Variants in ARL15 observed in about 807,000 individuals in gnomAD.
ARL15 encodes ADP-ribosylation factor-like protein 15.
Under a neutral mutation model 25.2 loss-of-function variants are expected in ARL15, and 19 were observed. The ratio of observed to expected loss-of-function variants is 0.75; its 90% CI spans 0.53 to 1.10. The LOEUF (loss-of-function observed/expected upper bound fraction) is 1.10. Among genes scored for constraint, ARL15 ranks in the 50% least tolerant of loss-of-function variants. The pLI is 0.00. For missense variants in ARL15, 220 were observed against 246.0 expected, an observed-to-expected ratio of 0.89 and a Z score of 0.71; for synonymous variants, 94 against 86.8, an observed-to-expected ratio of 1.08 and a Z score of -0.46.
At chr5:54,125,325 C>T (rs535967811) in intron 3 of ARL15, among the ~76,000 whole-genome samples, 6 of 152,192 alleles carry the variant, frequency 3.9e-5, no homozygotes, top group South Asian at 4.1e-4. Context: ...TGAGCCACCG[C>T]GCCCAGCCCC....
intron 4 of ARL15, among the ~76,000 whole-genome samples, chr5:53,970,470 G>A (rs1747705208): frequency 6.6e-6 from 1 of 151,668 alleles, no homozygotes; most frequent in African/African-American, 2.4e-5. Context: ...ATAGCAGAGA[G>A]TGAGAATGAG....
rs555047533 is a variant in ARL15 at position 53,886,347 on chromosome 5, A to C, written c.*214T>G. ...GATAATTAGTGGTAAACAGAGAATA[A>C]ATTCTCTCTCAGTAGTGTGTACTTG... On this transcript the variant is annotated 3_prime_UTR_variant, in exon 5 of 5. Transcript: ENST00000504924. 23 of 509,340 alleles carry C rather than the reference A, an allele frequency of 4.5e-5. No homozygotes were observed. The East Asian group carries it at 7.7e-4, about 17-fold the overall frequency. 31.6% of individuals were successfully genotyped at this position (509,340 alleles called of 1,614,324 possible).
intron 1 of ARL15, among the ~76,000 whole-genome samples, chr5:54,249,650 G>T (rs2112595623): frequency 7.4e-6 from 1 of 134,438 alleles, no homozygotes; most frequent in East Asian, 2.5e-4. Context: ...TAAGAAAGGA[G>T]AAGTGTGGTT....
chr5:54,211,152 A>T (rs1478163533), intron 1 of ARL15, among the ~76,000 whole-genome samples: 2 of 152,132 alleles, frequency 1.3e-5, no homozygotes, highest in Non-Finnish European at 2.9e-5. Flanking sequence ...TTCCCAAATC[A>T]AGTTAGTGGT....
At chr5:54,054,765 G>T (rs1018648422) in intron 4 of ARL15, among the ~76,000 whole-genome samples, 34 of 152,164 alleles carry the variant, frequency 2.2e-4, no homozygotes, top group African/African-American at 8.2e-4. Flanking sequence ...ACTCCAGCCT[G>T]GGTTACAGAG....
At position 54,154,568 on chromosome 5, in the gene ARL15, G is replaced by C. The variant is rs1199770473; in HGVS notation, c.253+12C>G. ...TTAAGGGCAGACATAGAAATGATTT[G>C]AAATGTTATACCTCCAAGTTCTTTT... On this transcript the variant is annotated intron_variant, in intron 3 of 4. Coordinates refer to ENST00000504924, the MANE Select transcript of ARL15 (RefSeq NM_019087.3). The C allele has an allele frequency of 9.3e-6, 14 of 1,501,420 alleles. No individual in the cohort carries two copies. Among genetic ancestry groups the C allele is most frequent in the Non-Finnish European group, 1.2e-5 (14 of 1,120,636 alleles). 93.0% of individuals were successfully genotyped at this position (1,501,420 alleles called of 1,614,324 possible). A position where few individuals can be genotyped will look rare whatever the true frequency, so the allele number is the denominator to read the frequency against.
chr5:54,009,583 G>A (rs1749166478), intron 4 of ARL15, among the ~76,000 whole-genome samples: 1 of 152,150 alleles, frequency 6.6e-6, no homozygotes, highest in African/African-American at 2.4e-5. Context: ...CAACACTATG[G>A]ACTGCGAATA....
chr5:54,041,310 T>C (rs1261303919), intron 4 of ARL15, among the ~76,000 whole-genome samples: 3 of 152,248 alleles, frequency 2.0e-5, no homozygotes, highest in Non-Finnish European at 4.4e-5. Context: ...CTGTTTAATA[T>C]GCCTTTGATA....
In ARL15 at chr5:54,263,923, C is replaced by T. The variant is rs139135442; in HGVS notation, c.48+46509G>A. Among the ~76,000 whole-genome samples, 331 of 152,186 alleles carry T rather than the reference C, an allele frequency of 2.2e-3. 1 individual carries two copies. Among genetic ancestry groups the T allele is most frequent in the African/African-American group, 7.7e-3 (320 of 41,530 alleles). ...TCTCAGTTAAAAGCATTACCATCCACTCATTTCTTCTGACCACCAAATTGT... is the reference window on the plus strand; with the variant it reads ...TCTCAGTTAAAAGCATTACCATCCATTCATTTCTTCTGACCACCAAATTGT... On this transcript the variant is annotated intron_variant, in intron 1 of 4. Transcript: ENST00000504924.
In ARL15 at chr5:53,897,349, T is replaced by C. The variant is rs565227442; in HGVS notation, c.463-10636A>G. 4.0e-3 allele frequency among the ~76,000 whole-genome samples: 603 copies of C among 152,356 alleles called. 3 individuals are homozygous for C. Among genetic ancestry groups the C allele is most frequent in the African/African-American group, 0.014 (567 of 41,588 alleles). On this transcript the variant is annotated intron_variant, in intron 4 of 4. Transcript: ENST00000504924. ...ATAGATCAAATCATGTAATATGTGGTCTTTTGTGTCTAGCTTCTTTCACTT... is the reference window on the plus strand; with the variant it reads ...ATAGATCAAATCATGTAATATGTGGCCTTTTGTGTCTAGCTTCTTTCACTT...
chr5:54,108,517 T>C (rs1462797711), intron 4 of ARL15, among the ~76,000 whole-genome samples: 1 of 152,238 alleles, frequency 6.6e-6, no homozygotes, highest in East Asian at 1.9e-4. Flanking sequence ...TCTCTACACA[T>C]ACAGAAAGCA....
At chr5:53,895,359 TTAAAGAAAG>T (rs1395572904) in intron 4 of ARL15, among the ~76,000 whole-genome samples, 1 of 152,242 alleles carries the variant, frequency 6.6e-6, no homozygotes, top group Non-Finnish European at 1.5e-5. Context: ...TCATCTCTCA[TTAAAGAAAG>T]CCATATTTTA....
intron 1 of ARL15, among the ~76,000 whole-genome samples, chr5:54,191,180 A>C (rs1755389630): frequency 6.6e-6 from 1 of 152,222 alleles, no homozygotes; most frequent in South Asian, 2.1e-4. Flanking sequence ...CCCTGAGGAC[A>C]TAAGACTAAG....
chr5:54,149,323 C>G (rs1753998802), intron 3 of ARL15, among the ~76,000 whole-genome samples: 2 of 152,062 alleles, frequency 1.3e-5, no homozygotes, highest in African/African-American at 4.8e-5. Context: ...CAGTGAGGGC[C>G]TTTTCGAGTT....
At chr5:53,987,821 G>C (rs1288867482) in intron 4 of ARL15, among the ~76,000 whole-genome samples, 2 of 152,116 alleles carry the variant, frequency 1.3e-5, no homozygotes, top group South Asian at 4.1e-4. Context: ...AATAATTTGG[G>C]GCCAGGTGCG....
intron 3 of ARL15, among the ~76,000 whole-genome samples, chr5:54,145,609 GGT>G (rs149049636): frequency 1.3e-5 from 2 of 150,468 alleles, no homozygotes; most frequent in Non-Finnish European, 3.0e-5. Context: ...CTCAGAGGAT[GGT>G]GTGTGTGTGT....
intron 3 of ARL15, among the ~76,000 whole-genome samples, chr5:54,132,124 G>T (rs1435004228): frequency 6.6e-6 from 1 of 151,884 alleles, no homozygotes; most frequent in African/African-American, 2.4e-5. Flanking sequence ...TAAAAATCCA[G>T]CAATTTTAAC....
At chr5:54,297,932 G>C (rs932990766) in intron 1 of ARL15, among the ~76,000 whole-genome samples, 1 of 152,168 alleles carries the variant, frequency 6.6e-6, no homozygotes, top group Non-Finnish European at 1.5e-5. Flanking sequence ...ACAGGTGCAC[G>C]CTGCCACGCC....
intron 3 of ARL15, among the ~76,000 whole-genome samples, chr5:54,143,494 C>T (rs998922146): frequency 1.3e-4 from 20 of 151,468 alleles, no homozygotes; most frequent in African/African-American, 4.9e-4. Context: ...TCTTTTGTCA[C>T]CATATATAGC....
Sources: gnomAD v4.1 joint callset for allele counts (sites outside exome capture counted in the v4.1 genomes callset) on GRCh38, gnomAD v4.1.1 for gene constraint, MANE v1.5 for transcripts, NCBI Gene and HGNC (gene_info 2026-07-23, HGNC 2026-07-21) for gene names.